The following PSG9 variants were observed in gnomAD, a reference collection of about 807,000 sequenced individuals.
PSG9 encodes pregnancy specific beta-1-glycoprotein 9, also known as pregnancy-specific beta-1-glycoprotein 9.
PSG9 carries 49 observed loss-of-function variants against 41.9 expected under a neutral mutation model. The ratio of observed to expected loss-of-function variants is 1.17; its 90% confidence interval spans 0.93 to 1.48. PSG9 has a LOEUF of 1.48. PSG9 is among the 40% of genes most tolerant of loss of function. The pLI is 0.00. For synonymous variants in PSG9, 263 were observed against 196.8 expected, an observed-to-expected ratio of 1.34 and a Z score of -2.82; for missense variants, 641 against 520.3, an observed-to-expected ratio of 1.23 and a Z score of -2.26.
chr19:43,259,996 A>G (rs1968633695), intron 3 of PSG9: 1 of 147,066 alleles, frequency 6.8e-6, no homozygotes, highest in South Asian at 2.2e-4. Context: ...GAACTGCTGG[A>G]AATCTGGTCC....
intron 5 of PSG9, among the ~76,000 whole-genome samples, chr19:43,254,182 G>C (rs1308505615): frequency 1.4e-5 from 2 of 145,964 alleles, no homozygotes; most frequent in Non-Finnish European, 3.0e-5. Context: ...TACTTTACCT[G>C]TATCTCATTT....
chr19:43,262,173 G>A lies in PSG9; in HGVS notation c.431-35C>T, dbSNP rs768280076. 8.6e-5 allele frequency: 137 copies of A among 1,594,492 alleles called. 1 individual carries two copies. Among genetic ancestry groups the A allele is most frequent in the Non-Finnish European group, 1.1e-4 (134 of 1,168,944 alleles). On this transcript the variant is annotated intron_variant, in intron 2 of 5. Coordinates refer to ENST00000270077, the MANE Select transcript of PSG9 (RefSeq NM_002784.5). ...AAACAGAGAGAAGATTGCCCTGTGT[G>A]GCACCTTTGATTCCTCCAAAGGCAT... is the stretch of plus-strand genomic sequence containing the variant.
chr19:43,264,473 T>TC (rs200486464), intron 2 of PSG9, among the ~76,000 whole-genome samples: 1,552 of 152,184 alleles, frequency 0.01, 25 homozygotes, highest in African/African-American at 0.034. Flanking sequence ...ATTTTTTTTT[T>TC]CTGAGACAGA....
At position 43,269,379 on chromosome 19, in the gene PSG9, AG is replaced by A. The variant is rs1180992057; in HGVS notation, c.52del (p.Leu18SerfsTer8). ...SCTQRITWKG[L>X]LLTASLLNFW... ...AGTTCTCTCCTCACCTGTGAGCAGGAGCCCCTTCCAGGTGATGCGCTGTGTG... is the reference window on the plus strand; with the variant it reads ...AGTTCTCTCCTCACCTGTGAGCAGGACCCCTTCCAGGTGATGCGCTGTGTG... On this transcript the variant is annotated frameshift_variant, in exon 1 of 6. Coordinates refer to ENST00000270077, the MANE Select transcript of PSG9 (RefSeq NM_002784.5). LOFTEE classifies it high-confidence loss of function. The A allele has an allele frequency of 1.9e-6, 3 of 1,613,220 alleles. No homozygotes were observed. The highest frequency in any genetic ancestry group is 2.5e-6 in the Non-Finnish European group (3 of 1,179,644).
chr19:43,257,589 G>A lies in PSG9; in HGVS notation c.1243+613C>T, dbSNP rs939516562. 5.4e-5 allele frequency: 53 copies of A among 986,074 alleles called. 2 individuals are homozygous for A. Among genetic ancestry groups the A allele is most frequent in the Middle Eastern group, 5.1e-4 (1 of 1,944 alleles). The allele number at this position is 986,074 out of a possible 1,614,324, so 61.1% of individuals were successfully genotyped here. The stretch of plus-strand genomic sequence containing the variant: ...TTCTTATTTCCCTGCAGCCTGGCCC[G>A]GGGGAGGCTTGGCTTCAACTGGCAG... On this transcript the variant is annotated intron_variant, in intron 5 of 5. Transcript: ENST00000270077.
At position 43,261,975 on chromosome 19, in the gene PSG9, G is replaced by A; in HGVS notation, c.594C>T (p.Thr198=). ...CACCAAATAGATAGAGGGTCCTGTTGGTTTTGGACAGCTGCAACCTGTGAG... is the reference window on the plus strand; with the variant it reads ...CACCAAATAGATAGAGGGTCCTGTTAGTTTTGGACAGCTGCAACCTGTGAG... The part of the protein sequence containing the change: ...PVTHRLQLSK[T]NRTLYLFGVT... Residue 198 remains threonine (T), a synonymous_variant, in exon 3 of 6, where the codon ACC becomes ACT. Coordinates refer to ENST00000270077, the MANE Select transcript of PSG9 (RefSeq NM_002784.5). 1 of 1,614,046 alleles carries A rather than the reference G, an allele frequency of 6.2e-7. No individual in the cohort carries two copies. Among genetic ancestry groups the A allele is most frequent in the East Asian group, 2.2e-5 (1 of 44,874 alleles).
intron 3 of PSG9, chr19:43,260,144 G>A (rs1211592397): frequency 6.8e-6 from 1 of 147,000 alleles, no homozygotes; most frequent in Admixed American, 6.8e-5. Flanking sequence ...GGATTCCAGA[G>A]TGAATATGAG....
At chr19:43,261,255 A>G (rs1416986339) in intron 3 of PSG9, among the ~76,000 whole-genome samples, 1 of 143,384 alleles carries the variant, frequency 7.0e-6, no homozygotes, top group African/African-American at 2.7e-5. Context: ...CCAGTGGCTG[A>G]GTTATGGATG....
In PSG9 at chr19:43,258,463, G is replaced by C. The variant is rs138514996; in HGVS notation, c.989-7C>G. Reference sequence around the variant, plus strand: ...CTGGGGAGGTCTGGACCATCTGGAGGAAAGAGAATAAAGCCACACGTGATG... The same window carrying C: ...CTGGGGAGGTCTGGACCATCTGGAGCAAAGAGAATAAAGCCACACGTGATG... On this transcript the variant is annotated splice_polypyrimidine_tract_variant and splice_region_variant and intron_variant, in intron 4 of 5. Transcript: ENST00000270077. 3.3e-5 allele frequency: 52 copies of C among 1,556,462 alleles called. 2 individuals are homozygous for C. The highest frequency in any genetic ancestry group is 4.1e-5 in the Non-Finnish European group (48 of 1,159,032).
intron 2 of PSG9, among the ~76,000 whole-genome samples, chr19:43,265,285 T>C (rs113663298): frequency 0.051 from 7,778 of 152,234 alleles, 310 homozygotes; most frequent in Middle Eastern, 0.082. Flanking sequence ...CTATAATCCC[T>C]GACTGCTCCG....
At chr19:43,262,346 A>C (rs922522911) in intron 2 of PSG9, among the ~76,000 whole-genome samples, 4 of 152,070 alleles carry the variant, frequency 2.6e-5, no homozygotes, top group Non-Finnish European at 5.9e-5. Flanking sequence ...AGAAGCACAG[A>C]CTTTCTTAAG....
At chr19:43,260,146 G>A (rs1968642010) in intron 3 of PSG9, 1 of 147,154 alleles carries the variant, frequency 6.8e-6, no homozygotes, top group South Asian at 2.2e-4. Context: ...ATTCCAGAGT[G>A]AATATGAGAA....
intron 1 of PSG9, among the ~76,000 whole-genome samples, chr19:43,268,778 G>T (rs1391914376): frequency 6.6e-6 from 1 of 152,086 alleles, no homozygotes; most frequent in East Asian, 1.9e-4. Context: ...TTTTGCTGAG[G>T]ATAGTGTTTC....
At chr19:43,254,334 A>G (rs1210085958) in intron 5 of PSG9, among the ~76,000 whole-genome samples, 1 of 146,340 alleles carries the variant, frequency 6.8e-6, no homozygotes, top group Non-Finnish European at 1.5e-5. Context: ...GGACTATTTG[A>G]CCTCAAGGCT....
At chr19:43,267,012 A>G (rs1372572146) in intron 2 of PSG9, among the ~76,000 whole-genome samples, 1 of 152,110 alleles carries the variant, frequency 6.6e-6, no homozygotes, top group Admixed American at 6.5e-5. Context: ...ATTTATTATT[A>G]ATTTGCTTCC....
At chr19:43,266,535 G>A (rs1382480382) in intron 2 of PSG9, among the ~76,000 whole-genome samples, 1 of 151,982 alleles carries the variant, frequency 6.6e-6, no homozygotes, top group African/African-American at 2.4e-5. Context: ...GGACACTTTG[G>A]GAAACACAGG....
chr19:43,262,809 C>A (rs1261358415), intron 2 of PSG9, among the ~76,000 whole-genome samples: 1 of 152,138 alleles, frequency 6.6e-6, no homozygotes, highest in Non-Finnish European at 1.5e-5. Flanking sequence ...CAAGGAATGA[C>A]CTACAAAGAG....
At chr19:43,263,434 C>T (rs1445331306) in intron 2 of PSG9, among the ~76,000 whole-genome samples, 1 of 152,094 alleles carries the variant, frequency 6.6e-6, no homozygotes, top group African/African-American at 2.4e-5. Flanking sequence ...CCAGTGAGCA[C>T]TTCTTTTTAG....
In PSG9 at chr19:43,253,605, G is replaced by A; in HGVS notation, c.*4C>T. 1.2e-6 allele frequency: 1 copy of A among 819,948 alleles called. No homozygotes were observed. Among genetic ancestry groups the A allele is most frequent in the Non-Finnish European group, 2.1e-6 (1 of 481,636 alleles). 50.8% of individuals were successfully genotyped at this position (819,948 alleles called of 1,614,324 possible). The stretch of plus-strand genomic sequence containing the variant: ...TCTTTTTCTCAGTGTCTCAGTTGTT[G>A]CAGTCATGACTGAGACTCTGTCAGG... On this transcript the variant is annotated 3_prime_UTR_variant, in exon 6 of 6. Transcript: ENST00000270077.
Sources: gnomAD v4.1 joint callset for allele counts (sites outside exome capture counted in the v4.1 genomes callset) on GRCh38, gnomAD v4.1.1 for gene constraint, MANE v1.5 for transcripts, NCBI Gene and HGNC (gene_info 2026-07-23, HGNC 2026-07-21) for gene names.